The following L3MBTL4 variants were observed in gnomAD, a reference collection of about 807,000 sequenced individuals.
The protein encoded by L3MBTL4 is L3MBTL histone methyl-lysine binding protein 4.
A neutral mutation model predicts 84.5 loss-of-function variants in L3MBTL4; 70 were observed. The observed-to-expected ratio is 0.83, with a 90% CI of 0.68 to 1.01. L3MBTL4 has a LOEUF of 1.01. L3MBTL4 is among the 50% of genes least tolerant of loss of function. The pLI, the probability that L3MBTL4 is intolerant of heterozygous loss-of-function variation, is 0.00. For missense variants in L3MBTL4, 715 were observed against 754.8 expected (o/e 0.95, Z 0.62); for synonymous variants, 274 against 259.8 (o/e 1.05, Z -0.52).
chr18:6,275,722 A>G (rs914898416), intron 4 of L3MBTL4, among the ~76,000 whole-genome samples: 1 of 152,222 alleles, frequency 6.6e-6, no homozygotes, highest in Non-Finnish European at 1.5e-5. Context: ...GCCATACTCA[A>G]TCATGAGATT....
intron 16 of L3MBTL4, among the ~76,000 whole-genome samples, chr18:6,044,078 T>A (rs1287047864): frequency 6.6e-6 from 1 of 152,236 alleles, no homozygotes; most frequent in Non-Finnish European, 1.5e-5. Flanking sequence ...TATTTTATAA[T>A]GTATATTCAT....
At chr18:6,345,230 A>AG (rs1209354057) in intron 1 of L3MBTL4, among the ~76,000 whole-genome samples, 28 of 128,460 alleles carry the variant, frequency 2.2e-4, no homozygotes, top group Admixed American at 1.7e-3. Flanking sequence ...AAAAAAAAAA[A>AG]AAAAAAGAAA....
chr18:6,191,156 A>G (rs2045063612), intron 12 of L3MBTL4, among the ~76,000 whole-genome samples: 1 of 152,144 alleles, frequency 6.6e-6, no homozygotes, highest in African/African-American at 2.4e-5. Context: ...TTTTACAAGA[A>G]CCAGCCTGGC....
rs962045305 is a variant in L3MBTL4, at chr18:6,069,428, GTGT to G, written c.1444+11450_1444+11452del. Among the ~76,000 whole-genome samples, 6 of 152,148 alleles carry G rather than the reference GTGT, an allele frequency of 3.9e-5. No homozygotes were observed. The South Asian group carries it at 6.2e-4, about 16-fold the overall frequency. Reference sequence around the variant, plus strand: ...GCTTGCCATAAGTTGCTGCAGGAAAGTGTTGTTTTTTTTTTTCCTCAGGTGACA... The same window carrying G: ...GCTTGCCATAAGTTGCTGCAGGAAAGTGTTTTTTTTTTTCCTCAGGTGACA... On this transcript the variant is annotated intron_variant, in intron 16 of 18. Coordinates refer to ENST00000317931, the MANE Select transcript of L3MBTL4 (RefSeq NM_001330559.2).
chr18:6,047,105 G>T (rs1366152698), intron 16 of L3MBTL4, among the ~76,000 whole-genome samples: 1 of 152,106 alleles, frequency 6.6e-6, no homozygotes, highest in Non-Finnish European at 1.5e-5. Context: ...AATCCTCAGA[G>T]ACTATTATGA....
intron 1 of L3MBTL4, among the ~76,000 whole-genome samples, chr18:6,353,590 A>C (rs918142987): frequency 1.3e-5 from 2 of 152,172 alleles, no homozygotes; most frequent in African/African-American, 4.8e-5. Flanking sequence ...AATTGAGTAA[A>C]GTTGCAGGAT....
At chr18:6,130,471 C>T (rs2059839874) in intron 14 of L3MBTL4, among the ~76,000 whole-genome samples, 1 of 152,066 alleles carries the variant, frequency 6.6e-6, no homozygotes. Context: ...AGTAAATGCT[C>T]CTCTTCTATT....
intron 18 of L3MBTL4, 67 bp from the exon 19 acceptor site, chr18:5,956,454 C>T: frequency 3.4e-6 from 5 of 1,492,334 alleles, no homozygotes; most frequent in Non-Finnish European, 4.6e-6. Context: ...TCACCAGTAA[C>T]ACTTTGGTTC....
chr18:6,114,944 G>A (rs571178725), intron 14 of L3MBTL4, among the ~76,000 whole-genome samples: 50 of 152,270 alleles, frequency 3.3e-4, no homozygotes, highest in Middle Eastern at 3.4e-3. Context: ...GTCACACAGC[G>A]GAGAGGAGAA....
intron 1 of L3MBTL4, among the ~76,000 whole-genome samples, chr18:6,332,101 T>C (rs1244460347): frequency 6.6e-6 from 1 of 152,148 alleles, no homozygotes; most frequent in Non-Finnish European, 1.5e-5. Context: ...CTTCTCACCT[T>C]GACATTCTGC....
chr18:6,039,031 C>A lies in L3MBTL4; in HGVS notation c.1444+41850G>T, dbSNP rs530804377. On this transcript the variant is annotated intron_variant, in intron 16 of 18. Coordinates refer to ENST00000317931, the MANE Select transcript of L3MBTL4 (RefSeq NM_001330559.2). ...TCTCTCCCCCAACCTCCCTTCCTCCCTCTTCCCCAACCCTCTCTCCCCCAG... is the reference window on the plus strand; with the variant it reads ...TCTCTCCCCCAACCTCCCTTCCTCCATCTTCCCCAACCCTCTCTCCCCCAG... Among the ~76,000 whole-genome samples the A allele has an allele frequency of 7.9e-5, 12 of 152,082 alleles. No homozygotes were observed. The South Asian group carries it at 2.5e-3, about 32-fold the overall frequency.
At chr18:6,102,545 C>G (rs1251080140) in intron 14 of L3MBTL4, among the ~76,000 whole-genome samples, 1 of 152,168 alleles carries the variant, frequency 6.6e-6, no homozygotes, top group African/African-American at 2.4e-5. Context: ...AACAAAAGCC[C>G]AACTGCAAAA....
intron 8 of L3MBTL4, 72 bp downstream of exon 8, chr18:6,241,286 G>A: frequency 1.1e-6 from 1 of 871,284 alleles, no homozygotes; most frequent in Non-Finnish European, 1.9e-6. Flanking sequence ...AAATAAAACA[G>A]AATATATAGT....
intron 12 of L3MBTL4, among the ~76,000 whole-genome samples, chr18:6,210,356 T>C (rs2046053223): frequency 6.6e-6 from 1 of 152,202 alleles, no homozygotes; most frequent in African/African-American, 2.4e-5. Flanking sequence ...CTCCTCATCC[T>C]ACACATCTGC....
At chr18:6,221,791 T>A (rs2046565916) in intron 10 of L3MBTL4, among the ~76,000 whole-genome samples, 1 of 152,218 alleles carries the variant, frequency 6.6e-6, no homozygotes, top group Non-Finnish European at 1.5e-5. Context: ...CACTTATTCA[T>A]TTGTTTCAAG....
chr18:6,271,986 G>T (rs2048891309), intron 4 of L3MBTL4, among the ~76,000 whole-genome samples: 1 of 152,198 alleles, frequency 6.6e-6, no homozygotes, highest in Non-Finnish European at 1.5e-5. Flanking sequence ...GGAACACCTG[G>T]AGAAGTTTGC....
intron 12 of L3MBTL4, among the ~76,000 whole-genome samples, chr18:6,210,292 C>A (rs1370514189): frequency 6.6e-6 from 1 of 152,200 alleles, no homozygotes; most frequent in Non-Finnish European, 1.5e-5. Flanking sequence ...GTAGGACAGA[C>A]AATGTGGGCT....
intron 4 of L3MBTL4, among the ~76,000 whole-genome samples, chr18:6,287,278 A>G (rs370453827): frequency 7.0e-4 from 107 of 152,310 alleles, no homozygotes; most frequent in African/African-American, 2.5e-3. Flanking sequence ...GACCACAGCT[A>G]TAAAATTATA....
rs60415566 is a variant in L3MBTL4, at chr18:6,345,237, G to GAA, written c.-90-33183_-90-33182dup. Among the ~76,000 whole-genome samples the GAA allele has an allele frequency of 2.4e-3, 271 of 111,688 alleles. 1 individual carries two copies. Among genetic ancestry groups the GAA allele is most frequent in the African/African-American group, 8.1e-3 (241 of 29,896 alleles). 73.3% of individuals were successfully genotyped at this position (111,688 alleles called of 152,430 possible). A position where few individuals can be genotyped will look rare whatever the true frequency, so the allele number is the denominator to read the frequency against. ...ATACAAAAAAAAAAAAAAAAAAAAA[G>GAA]AAAAAAAAAAAGAGCCGGGCATGGC... On this transcript the variant is annotated intron_variant, in intron 1 of 18. Transcript: ENST00000317931.
Sources: allele counts gnomAD v4.1 joint callset (sites outside exome capture counted in the v4.1 genomes callset), GRCh38; gene constraint gnomAD v4.1.1; transcripts MANE v1.5; gene names NCBI Gene and HGNC (gene_info 2026-07-23, HGNC 2026-07-21).